KLF12: variants seen among roughly 807,000 people sequenced by gnomAD.
The protein encoded by KLF12 is Krueppel-like factor 12.
A neutral mutation model predicts 37.8 loss-of-function variants in KLF12; 9 were observed. That is an observed-to-expected ratio of 0.24 (90% CI 0.14 to 0.42). KLF12 has a LOEUF of 0.42. Ranked by LOEUF, KLF12 falls within the 10% of genes least tolerant of loss-of-function variation. The pLI is 1.00. For synonymous variants in KLF12, 208 were observed against 202.1 expected (o/e 1.03, Z -0.25); for missense variants, 411 against 516.0 (o/e 0.80, Z 1.97).
intron 6 of KLF12, among the ~76,000 whole-genome samples, chr13:73,734,156 A>T (rs1386085422): frequency 6.6e-6 from 1 of 152,088 alleles, no homozygotes; most frequent in Non-Finnish European, 1.5e-5. Flanking sequence ...CATGTCTCTG[A>T]CCAAATGTCA....
At chr13:73,939,347 C>T (rs1890088360) in intron 3 of KLF12, among the ~76,000 whole-genome samples, 1 of 152,148 alleles carries the variant, frequency 6.6e-6, no homozygotes, top group Admixed American at 6.5e-5. Context: ...TTCAAATACA[C>T]AAAATTAGGC....
At chr13:73,871,210 C>T (rs1209712587) in intron 3 of KLF12, among the ~76,000 whole-genome samples, 1 of 152,116 alleles carries the variant, frequency 6.6e-6, no homozygotes, top group African/African-American at 2.4e-5. Context: ...GCGGGGGAGG[C>T]AGTTGTGTCA....
chr13:74,165,162 C>T, the KLF12 span, among the ~76,000 whole-genome samples: 2 of 151,640 alleles, frequency 1.3e-5, no homozygotes, highest in African/African-American at 4.8e-5. Flanking sequence ...TCTCATGTAC[C>T]CCATAAATAT....
chr13:74,302,851 G>C, the KLF12 span, among the ~76,000 whole-genome samples: 1 of 152,088 alleles, frequency 6.6e-6, no homozygotes, highest in African/African-American at 2.4e-5. Context: ...GCTTCCAAAA[G>C]AAAAGGGGAA....
chr13:73,991,729 C>G (rs1384784434), intron 2 of KLF12, among the ~76,000 whole-genome samples: 1 of 152,238 alleles, frequency 6.6e-6, no homozygotes, highest in Non-Finnish European at 1.5e-5. Flanking sequence ...CATACACTTA[C>G]AGCAGCCAAT....
chr13:74,122,847 T>C (rs1034126474), intron 1 of KLF12, among the ~76,000 whole-genome samples: 1 of 150,166 alleles, frequency 6.7e-6, no homozygotes, highest in Non-Finnish European at 1.5e-5. Context: ...CTTAAGAACA[T>C]GGATAAAAAT....
In KLF12 at chr13:73,881,714, C is replaced by T. The variant is rs564608385; in HGVS notation, c.124-35341G>A. On this transcript the variant is annotated intron_variant, in intron 3 of 7. Transcript: ENST00000377669. ...TTATCAGATAGAGCTAAAAAGTACC[C>T]GCTGTATGCAAAGCCTAATTTACAC... Among the ~76,000 whole-genome samples, 11 of 152,116 alleles carry T rather than the reference C, an allele frequency of 7.2e-5. No individual in the cohort carries two copies. The East Asian group carries it at 1.4e-3, about 19-fold the overall frequency.
intron 2 of KLF12, among the ~76,000 whole-genome samples, chr13:73,990,956 G>T (rs1891954216): frequency 6.6e-6 from 1 of 152,142 alleles, no homozygotes; most frequent in Non-Finnish European, 1.5e-5. Flanking sequence ...GAGGCACGGA[G>T]ATGATGGGGC....
chr13:73,756,648 T>C (rs1879187048), intron 6 of KLF12, among the ~76,000 whole-genome samples: 1 of 152,180 alleles, frequency 6.6e-6, no homozygotes. Context: ...TTGATGGTTC[T>C]AATTTATAAA....
rs1292719018 is a variant in KLF12 at position 73,846,177 on chromosome 13, G to A, written c.320C>T (p.Ala107Val). 1 of 1,613,996 alleles carries A rather than the reference G, an allele frequency of 6.2e-7. No individual in the cohort carries two copies. The highest frequency in any genetic ancestry group is 1.3e-5 in the African/African-American group (1 of 74,932). The change falls in exon 4 of 8, where the codon GCC becomes GTC. Residue 107 changes from alanine (A) to valine (V), a missense_variant. Coordinates refer to ENST00000377669, the MANE Select transcript of KLF12 (RefSeq NM_007249.5). The stretch of plus-strand genomic sequence containing the variant: ...GGTTGAAGTTGAAGAAGGTGAGGAG[G>A]CAGATGCTGTCATGGAAACTGGGGA...
intron 1 of KLF12, among the ~76,000 whole-genome samples, chr13:74,077,775 A>T (rs769662669): frequency 3.7e-4 from 57 of 152,336 alleles, no homozygotes; most frequent in African/African-American, 1.3e-3. Flanking sequence ...AAGTTCTCGG[A>T]CATGGTTACT....
intron 3 of KLF12, among the ~76,000 whole-genome samples, chr13:73,864,572 T>C (rs1246723267): frequency 2.0e-5 from 3 of 152,140 alleles, no homozygotes; most frequent in African/African-American, 7.2e-5. Flanking sequence ...AAAGCGTTTA[T>C]ATCATTCACT....
intron 1 of KLF12, among the ~76,000 whole-genome samples, chr13:74,121,402 CA>C (rs1022262922): frequency 4.4e-4 from 67 of 151,994 alleles, no homozygotes; most frequent in African/African-American, 1.3e-3. Flanking sequence ...ACCCTGAAAC[CA>C]GTATCAGATG....
intron 7 of KLF12, among the ~76,000 whole-genome samples, chr13:73,696,824 G>A (rs1451076621): frequency 1.3e-5 from 2 of 152,126 alleles, no homozygotes; most frequent in Admixed American, 1.3e-4. Flanking sequence ...TTTTACAGTG[G>A]AATGGATTAA....
At chr13:73,928,865 AT>A (rs1204765836) in intron 3 of KLF12, among the ~76,000 whole-genome samples, 1 of 152,176 alleles carries the variant, frequency 6.6e-6, no homozygotes, top group Admixed American at 6.5e-5. Context: ...TCACCACAAG[AT>A]TACTAGGGTG....
intron 1 of KLF12, among the ~76,000 whole-genome samples, chr13:74,075,506 G>C (rs185703582): frequency 2.0e-5 from 3 of 152,222 alleles, no homozygotes; most frequent in Admixed American, 1.3e-4. Flanking sequence ...CTGGGGAGTA[G>C]GTAAAGGTAC....
the KLF12 span, among the ~76,000 whole-genome samples, chr13:74,233,559 T>C: frequency 1.3e-5 from 2 of 152,226 alleles, no homozygotes. Flanking sequence ...TAATTACACA[T>C]TGTAGTTTGG....
At chr13:74,186,657 T>C in the KLF12 span, among the ~76,000 whole-genome samples, 1 of 152,204 alleles carries the variant, frequency 6.6e-6, no homozygotes, top group South Asian at 2.1e-4. Flanking sequence ...CCTTCCATTT[T>C]CCTCCATGAT....
the KLF12 span, among the ~76,000 whole-genome samples, chr13:74,198,756 G>A: frequency 6.6e-6 from 1 of 152,166 alleles, no homozygotes; most frequent in Non-Finnish European, 1.5e-5. Flanking sequence ...CTTACAAGTG[G>A]CTGAGAGAGG....
Sources: gnomAD v4.1 joint callset for allele counts (sites outside exome capture counted in the v4.1 genomes callset) on GRCh38, gnomAD v4.1.1 for gene constraint, MANE v1.5 for transcripts, NCBI Gene and HGNC (gene_info 2026-07-23, HGNC 2026-07-21) for gene names.